The following GREB1 variants were observed in gnomAD, a reference collection of about 807,000 sequenced individuals.
GREB1 encodes protein GREB1.
Under a neutral mutation model 200.7 loss-of-function variants are expected in GREB1, and 106 were observed. The observed-to-expected ratio is 0.53, with a 90% CI of 0.45 to 0.62. The LOEUF (loss-of-function observed/expected upper bound fraction) is 0.62. Ranked by LOEUF, GREB1 falls within the 20% of genes least tolerant of loss-of-function variation. The pLI, the probability that GREB1 is intolerant of heterozygous loss-of-function variation, is 0.00. For missense variants in GREB1, 2,243 were observed against 2,556.8 expected (o/e 0.88, Z 2.65); for synonymous variants, 1,132 against 1,092.4 (o/e 1.04, Z -0.72).
rs113467400 is a variant in GREB1, at chr2:11,580,173, C to T, written c.773-531C>T. Among the ~76,000 whole-genome samples the T allele has an allele frequency of 0.11, 16,100 of 152,154 alleles. 980 individuals are homozygous for T. Among genetic ancestry groups the T allele is most frequent in the African/African-American group, 0.18 (7,435 of 41,468 alleles). On this transcript the variant is annotated intron_variant, in intron 6 of 32. Transcript: ENST00000381486. The surrounding 1 kb of genome is among the most constrained non-coding windows in gnomAD (Gnocchi z 4.5). Reference sequence around the variant, plus strand: ...CCACCCCCATGATTCAATTACCTCCCGCCAGGTCCCTCCCACGACACAGGG... The same window carrying T: ...CCACCCCCATGATTCAATTACCTCCTGCCAGGTCCCTCCCACGACACAGGG...
chr2:11,565,332 T>C (rs757844620), intron 3 of GREB1, among the ~76,000 whole-genome samples: 3 of 152,212 alleles, frequency 2.0e-5, no homozygotes, highest in Non-Finnish European at 2.9e-5. Flanking sequence ...CCCCCACAGG[T>C]GTTGCTTTCT....
chr2:11,619,583 C>T (rs114350068), intron 22 of GREB1, among the ~76,000 whole-genome samples: 2,098 of 152,326 alleles, frequency 0.014, 17 homozygotes, highest in Non-Finnish European at 0.022. Context: ...TACCCTCACA[C>T]TATTGGATAT....
intron 1 of GREB1, among the ~76,000 whole-genome samples, chr2:11,499,019 G>A (rs139320624): frequency 6.6e-6 from 1 of 152,320 alleles, no homozygotes; most frequent in East Asian, 1.9e-4. Flanking sequence ...ACATGTTCCT[G>A]GTGGTGGGGG....
chr2:11,590,674 G>T (rs879575138), intron 10 of GREB1, among the ~76,000 whole-genome samples: 1 of 152,150 alleles, frequency 6.6e-6, no homozygotes, highest in Non-Finnish European at 1.5e-5. Flanking sequence ...GTCTGTGATT[G>T]TTCCCTTTAA....
chr2:11,632,895 C>T lies in GREB1; in HGVS notation c.4823C>T (p.Ala1608Val). 1 of 1,613,810 alleles carries T rather than the reference C, an allele frequency of 6.2e-7. No individual in the cohort carries two copies. The change falls in exon 28 of 33, where the codon GCT becomes GTT. Residue 1608 changes from alanine (A) to valine (V), a missense_variant. Around this residue, in one of 3 missense-constraint regions of GREB1, gnomAD observed 478 missense variants for 616.3 expected, o/e 0.78. Coordinates refer to ENST00000381486, the MANE Select transcript of GREB1 (RefSeq NM_014668.4). Reference sequence around the variant, plus strand: ...GGTGCTTTGCCCACTGCAGGTGCTGCTCATTTCCTCATCAAGGAGCTGTCC... The same window carrying T: ...GGTGCTTTGCCCACTGCAGGTGCTGTTCATTTCCTCATCAAGGAGCTGTCC... ...SIFNSAGVGA[A>V]HFLIKELSYH...
At chr2:11,570,181 A>G (rs1026665151) in intron 4 of GREB1, among the ~76,000 whole-genome samples, 4 of 151,856 alleles carry the variant, frequency 2.6e-5, no homozygotes, top group African/African-American at 9.7e-5. Context: ...GGCTGCGGGG[A>G]GTGGATCACC....
At chr2:11,556,423 A>G (rs773545001) in intron 1 of GREB1, 31 bp from the exon 2 acceptor site, 1 of 496,310 alleles carries the variant, frequency 2.0e-6, no homozygotes, top group Non-Finnish European at 3.5e-6. Context: ...GAAAGCTGTT[A>G]CTTATATAAC....
At chr2:11,549,838 T>A (rs1243477088) in intron 1 of GREB1, among the ~76,000 whole-genome samples, 1 of 152,252 alleles carries the variant, frequency 6.6e-6, no homozygotes, top group Non-Finnish European at 1.5e-5. Flanking sequence ...TCTTTTAGTG[T>A]CTACCTTTTA....
chr2:11,545,606 C>T (rs1286286232), intron 1 of GREB1, among the ~76,000 whole-genome samples: 3 of 152,168 alleles, frequency 2.0e-5, no homozygotes, highest in African/African-American at 7.2e-5. Context: ...ATTAATCTTT[C>T]CAATGAATCT....
At chr2:11,507,971 A>G (rs934436712) in intron 1 of GREB1, among the ~76,000 whole-genome samples, 1 of 152,246 alleles carries the variant, frequency 6.6e-6, no homozygotes, top group Non-Finnish European at 1.5e-5. Context: ...TTACAGTAAT[A>G]TATTGAGGAA....
chr2:11,509,686 A>G (rs1427853831), intron 1 of GREB1, among the ~76,000 whole-genome samples: 1 of 152,136 alleles, frequency 6.6e-6, no homozygotes, highest in Non-Finnish European at 1.5e-5. Flanking sequence ...GCCTTCATGA[A>G]TGGGATTGGC....
Position 11,610,892 on chromosome 2 carries a change from G to A in GREB1, c.2871G>A (p.Ser957=), listed in dbSNP as rs199723868. The A allele has an allele frequency of 9.9e-5, 160 of 1,613,054 alleles. No homozygotes were observed. In the East Asian group the frequency reaches 2.2e-3, roughly 22 times the overall value. Residue 957 remains serine (S), a synonymous_variant, in exon 18 of 33, where the codon TCG becomes TCA. Transcript: ENST00000381486. ...GLMVLLRVPC[S]PLAVVAYERL... ...TGGTCCTGCTGCGGGTGCCCTGTTC[G>A]CCCCTGGCGGTGGTGGCCTATGAGC...
Position 11,616,676 on chromosome 2 carries a change from G to A in GREB1, c.3368G>A (p.Arg1123His), listed in dbSNP as rs200585700. 1.5e-4 allele frequency: 250 copies of A among 1,612,970 alleles called. 1 individual carries two copies. The highest frequency in any genetic ancestry group is 1.9e-4 in the Non-Finnish European group (222 of 1,178,956). Residue 1123 changes from arginine (R) to histidine (H), a missense_variant, in exon 21 of 33, where the codon CGC becomes CAC. Arg to His is a conservative substitution (Grantham distance 29). Around this residue, in one of 3 missense-constraint regions of GREB1, gnomAD observed 587 missense variants for 553.1 expected, o/e 1.06. Coordinates refer to ENST00000381486, the MANE Select transcript of GREB1 (RefSeq NM_014668.4). ...AGCCCCATGAAAAGGGAGAGGTCCC[G>A]CTCCCACGACTCAGCATCCTCATCC... is the stretch of plus-strand genomic sequence containing the variant. Reference protein sequence around the residue: ...KRSPMKRERSRSHDSASSSLS... With the variant: ...KRSPMKRERSHSHDSASSSLS...
rs10693974 is a variant in GREB1, at chr2:11,593,419, A to ACTC, written c.1696+293_1696+294insCTC. 3.0e-4 allele frequency among the ~76,000 whole-genome samples: 45 copies of ACTC among 151,844 alleles called. No individual in the cohort carries two copies. The East Asian group carries it at 8.0e-3, about 27-fold the overall frequency. Reference sequence around the variant, plus strand: ...CACGTGGGTGGTCACTCACACCAGGATGGCCCTGTTTCTTCACTGATCTAT... The same window carrying ACTC: ...CACGTGGGTGGTCACTCACACCAGGACTCTGGCCCTGTTTCTTCACTGATCTAT... On this transcript the variant is annotated intron_variant, in intron 11 of 32. Coordinates refer to ENST00000381486, the MANE Select transcript of GREB1 (RefSeq NM_014668.4).
chr2:11,494,088 G>T (rs910296862), intron 1 of GREB1, among the ~76,000 whole-genome samples: 1 of 152,232 alleles, frequency 6.6e-6, no homozygotes, highest in Non-Finnish European at 1.5e-5. Flanking sequence ...GGAAACGGAG[G>T]TGCAGGAAAG....
chr2:11,562,393 A>G, intron 2 of GREB1, 70 bp from the exon 3 acceptor site: 4 of 1,585,824 alleles, frequency 2.5e-6, no homozygotes, highest in Non-Finnish European at 3.4e-6. Flanking sequence ...CAGGCAGAGG[A>G]AAGGCCCTGG....
chr2:11,576,746 C>T (rs1053537093), intron 5 of GREB1, among the ~76,000 whole-genome samples: 7 of 152,152 alleles, frequency 4.6e-5, no homozygotes, highest in East Asian at 1.9e-4. Context: ...GTTTAAAAGT[C>T]GACAGAGGGC....
chr2:11,582,676 G>A (rs1243275153), intron 7 of GREB1, among the ~76,000 whole-genome samples: 1 of 152,228 alleles, frequency 6.6e-6, no homozygotes, highest in African/African-American at 2.4e-5. Flanking sequence ...TCTTGGAGCC[G>A]CTGGTACCAG....
In GREB1 at chr2:11,618,400, G is replaced by C. The variant is rs749581884; in HGVS notation, c.3525G>C (p.Glu1175Asp). The change falls in exon 22 of 33, where the codon GAG becomes GAC. Residue 1175 changes from glutamate to aspartate, a missense_variant. This residue lies in a region of GREB1 where 587 missense variants were observed against 553.1 expected (regional missense o/e 1.06). Coordinates refer to ENST00000381486, the MANE Select transcript of GREB1 (RefSeq NM_014668.4). Reference protein sequence around the residue: ...GPAEEGRAPGEKQRPRASQGP... With the variant: ...GPAEEGRAPGDKQRPRASQGP... ...CAGAGGAGGGCAGAGCCCCTGGTGA[G>C]AAACAGAGGCCCCGGGCAAGTCAGG... 13 of 1,611,344 alleles carry C rather than the reference G, an allele frequency of 8.1e-6. No homozygotes were observed. In the South Asian group the frequency reaches 1.3e-4, roughly 16 times the overall value.
Sources: gnomAD v4.1 joint callset for allele counts (sites outside exome capture counted in the v4.1 genomes callset) on GRCh38, gnomAD v4.1.1 for gene constraint, gnomAD v4.1.1 regional missense constraint, Gnocchi (gnomAD v3.1) non-coding constraint, MANE v1.5 for transcripts, NCBI Gene and HGNC (gene_info 2026-07-23, HGNC 2026-07-21) for gene names.